The following CSMD1 variants were observed in gnomAD, a reference collection of about 807,000 sequenced individuals.
CSMD1 encodes CUB and sushi domain-containing protein 1.
A neutral mutation model predicts 417.5 loss-of-function variants in CSMD1; 213 were observed. That is an observed-to-expected ratio of 0.51 (90% CI 0.46 to 0.57). The LOEUF (loss-of-function observed/expected upper bound fraction) is 0.57. CSMD1 is among the 20% of genes least tolerant of loss of function. The pLI is 0.00. For missense variants in CSMD1, 6,923 were observed against 4,529.7 expected (o/e 1.53, Z -15.17); for synonymous variants, 2,862 against 1,736.8 (o/e 1.65, Z -16.11).
chr8:3,538,104 T>G (rs1054765923), intron 10 of CSMD1, among the ~76,000 whole-genome samples: 6 of 152,350 alleles, frequency 3.9e-5, no homozygotes, highest in Middle Eastern at 3.4e-3. Context: ...AAAGAGTGTT[T>G]CAAGTTTATA....
intron 3 of CSMD1, among the ~76,000 whole-genome samples, chr8:4,410,191 C>G (rs1300677087): frequency 6.6e-6 from 1 of 152,150 alleles, no homozygotes; most frequent in Non-Finnish European, 1.5e-5. Flanking sequence ...GTTTTCTATA[C>G]CAGATACTGA....
chr8:3,338,529 G>A (rs1039428389), intron 23 of CSMD1, among the ~76,000 whole-genome samples: 1 of 152,298 alleles, frequency 6.6e-6, no homozygotes, highest in African/African-American at 2.4e-5. Flanking sequence ...GGGGCAGGAT[G>A]AAGAGAAAGA....
intron 6 of CSMD1, among the ~76,000 whole-genome samples, chr8:3,733,758 T>G (rs1005313971): frequency 1.3e-5 from 2 of 152,256 alleles, no homozygotes; most frequent in South Asian, 4.1e-4. Context: ...AACCCTTATT[T>G]TACTTGTACT....
intron 18 of CSMD1, among the ~76,000 whole-genome samples, chr8:3,374,478 G>C (rs1810183895): frequency 6.6e-6 from 1 of 152,176 alleles, no homozygotes; most frequent in Admixed American, 6.5e-5. Context: ...TAAAACTCCA[G>C]ATAACGAGGT....
intron 1 of CSMD1, among the ~76,000 whole-genome samples, chr8:4,848,155 A>G (rs1373784141): frequency 6.6e-6 from 1 of 152,166 alleles, no homozygotes; most frequent in South Asian, 2.1e-4. Flanking sequence ...TTAGTACTTC[A>G]TTCTTGGTCT....
At chr8:3,642,851 A>G (rs2117325997) in intron 7 of CSMD1, among the ~76,000 whole-genome samples, 1 of 152,092 alleles carries the variant, frequency 6.6e-6, no homozygotes, top group East Asian at 1.9e-4. Flanking sequence ...GTATGTGTAT[A>G]TCTATATATA....
intron 36 of CSMD1, chr8:3,182,916 G>C (rs1185445714): frequency 7.5e-6 from 1 of 133,256 alleles, no homozygotes; most frequent in Non-Finnish European, 1.6e-5. Flanking sequence ...TAGAGAAGGG[G>C]TTGTTAGTAG....
intron 51 of CSMD1, among the ~76,000 whole-genome samples, chr8:3,025,647 C>A (rs1585177441): frequency 6.6e-6 from 1 of 152,122 alleles, no homozygotes; most frequent in Non-Finnish European, 1.5e-5. Context: ...ATATCTCCAC[C>A]AAAACAACAA....
intron 1 of CSMD1, among the ~76,000 whole-genome samples, chr8:4,703,827 C>T (rs1807740395): frequency 6.6e-6 from 1 of 152,116 alleles, no homozygotes; most frequent in African/African-American, 2.4e-5. Flanking sequence ...GCATTTTTGG[C>T]ACCAGGGACC....
chr8:4,195,493 T>C (rs1799280177), intron 3 of CSMD1, among the ~76,000 whole-genome samples: 1 of 152,182 alleles, frequency 6.6e-6, no homozygotes, highest in African/African-American at 2.4e-5. Flanking sequence ...TCACCCTCTG[T>C]TGTTCACATC....
At chr8:3,442,748 C>T (rs1815069537) in intron 12 of CSMD1, among the ~76,000 whole-genome samples, 1 of 152,280 alleles carries the variant, frequency 6.6e-6, no homozygotes, top group East Asian at 1.9e-4. Context: ...CACACACATA[C>T]ACACGTACAT....
chr8:4,173,725 AT>A (rs1225544558), intron 3 of CSMD1, among the ~76,000 whole-genome samples: 1 of 152,056 alleles, frequency 6.6e-6, no homozygotes, highest in African/African-American at 2.4e-5. Context: ...CAATGAGAAA[AT>A]TTTTTGTCAT....
chr8:3,725,557 T>C (rs182259613), intron 6 of CSMD1, among the ~76,000 whole-genome samples: 1 of 152,198 alleles, frequency 6.6e-6, no homozygotes, highest in African/African-American at 2.4e-5. Flanking sequence ...GAGCTGCTTG[T>C]ATTAAGTAGA....
intron 5 of CSMD1, among the ~76,000 whole-genome samples, chr8:3,853,443 G>A (rs1021238191): frequency 2.6e-5 from 4 of 152,068 alleles, no homozygotes. Context: ...TTACTCCCAG[G>A]AAATGGTAAA....
intron 3 of CSMD1, among the ~76,000 whole-genome samples, chr8:4,144,612 G>C (rs778352393): frequency 1.3e-5 from 2 of 151,104 alleles, no homozygotes; most frequent in East Asian, 1.9e-4. Flanking sequence ...GTGAAGACAA[G>C]CTTGTTCTTG....
chr8:3,581,025 C>G (rs1404060824), intron 9 of CSMD1, among the ~76,000 whole-genome samples: 1 of 152,184 alleles, frequency 6.6e-6, no homozygotes, highest in African/African-American at 2.4e-5. Flanking sequence ...ACAGTTACAA[C>G]TGGCAATAAT....
intron 14 of CSMD1, among the ~76,000 whole-genome samples, chr8:3,407,511 G>A (rs568037587): frequency 4.6e-5 from 7 of 151,940 alleles, no homozygotes; most frequent in Non-Finnish European, 7.4e-5. Context: ...ATGGATGAAT[G>A]AAAGGATACA....
chr8:3,560,011 G>T (rs73505748), intron 10 of CSMD1, among the ~76,000 whole-genome samples: 1 of 152,076 alleles, frequency 6.6e-6, no homozygotes, highest in East Asian at 1.9e-4. Flanking sequence ...AGTGGCCAGC[G>T]TAAGGGATTT....
chr8:3,309,033 C>G (rs1054236442), intron 23 of CSMD1, among the ~76,000 whole-genome samples: 2 of 152,054 alleles, frequency 1.3e-5, no homozygotes, highest in Admixed American at 6.6e-5. Flanking sequence ...CCCTCAAGCT[C>G]TTGTTTTCCG....
Sources: gnomAD v4.1 joint callset for allele counts (sites outside exome capture counted in the v4.1 genomes callset) on GRCh38, gnomAD v4.1.1 for gene constraint, MANE v1.5 for transcripts, NCBI Gene and HGNC (gene_info 2026-07-23, HGNC 2026-07-21) for gene names.